TRAPPC9: variants seen among roughly 807,000 people sequenced by gnomAD.
The protein encoded by TRAPPC9 is trafficking protein particle complex subunit 9, also known as IKK2 binding protein.
A neutral mutation model predicts 124.0 loss-of-function variants in TRAPPC9; 83 were observed. The ratio of observed to expected loss-of-function variants is 0.67; its 90% CI spans 0.56 to 0.80. TRAPPC9 has a LOEUF of 0.80. TRAPPC9 is among the 30% of genes least tolerant of loss of function. TRAPPC9 has a pLI of 0.00. For synonymous variants in TRAPPC9, 638 were observed against 617.5 expected (o/e 1.03, Z -0.49); for missense variants, 1,302 against 1,508.3 (o/e 0.86, Z 2.27).
At chr8:140,040,707 C>G (rs1309146917) in intron 17 of TRAPPC9, 1 of 152,334 alleles carries the variant, frequency 6.6e-6, no homozygotes, top group African/African-American at 2.4e-5. Context: ...TTCTATGTCA[C>G]CATCCCAACA....
chr8:140,255,084 GC>G (rs2064218636), intron 15 of TRAPPC9, among the ~76,000 whole-genome samples: 1 of 152,230 alleles, frequency 6.6e-6, no homozygotes, highest in Admixed American at 6.5e-5. Flanking sequence ...TGCAGAACTG[GC>G]CAAGCTCCCT....
intron 5 of TRAPPC9, among the ~76,000 whole-genome samples, chr8:140,415,855 C>T (rs2069910789): frequency 6.6e-6 from 1 of 152,054 alleles, no homozygotes; most frequent in Admixed American, 6.6e-5. Context: ...GTCCTAGCTA[C>T]TCAGAGGCCG....
intron 17 of TRAPPC9, among the ~76,000 whole-genome samples, chr8:140,175,001 ATT>A (rs35949640): frequency 5.9e-4 from 83 of 140,956 alleles, no homozygotes; most frequent in African/African-American, 6.6e-4. Flanking sequence ...GCACCTGGGG[ATT>A]TTTTTTTTTT....
At chr8:140,091,476 G>T (rs1007148642) in intron 17 of TRAPPC9, among the ~76,000 whole-genome samples, 2 of 152,174 alleles carry the variant, frequency 1.3e-5, no homozygotes, top group African/African-American at 4.8e-5. Context: ...CAAGTTTCCA[G>T]CTGAGCTTGC....
rs1209168093 is a variant in TRAPPC9 at position 139,825,117 on chromosome 8, G to A, written c.3055+60762C>T. 6.6e-6 allele frequency among the ~76,000 whole-genome samples: 1 copy of A among 152,174 alleles called. No homozygotes were observed. Among genetic ancestry groups the A allele is most frequent in the Non-Finnish European group, 1.5e-5 (1 of 68,038 alleles). Reference sequence around the variant, plus strand: ...GTCACAGATGACCCGGGCCCTGGACGTGGGACGTGGGCTGCGGGACTACAG... The same window carrying A: ...GTCACAGATGACCCGGGCCCTGGACATGGGACGTGGGCTGCGGGACTACAG... On this transcript the variant is annotated intron_variant, in intron 21 of 22. Coordinates refer to ENST00000438773, the MANE Select transcript of TRAPPC9 (RefSeq NM_001160372.4). This position sits in a 1 kb window ranked among gnomAD's most constrained non-coding sequence, Gnocchi z 4.6.
intron 18 of TRAPPC9, among the ~76,000 whole-genome samples, chr8:140,000,825 G>A (rs976018362): frequency 3.9e-5 from 6 of 152,178 alleles, no homozygotes; most frequent in Non-Finnish European, 5.9e-5. Flanking sequence ...ACAGTGTGGC[G>A]ATCCCTCAAG....
chr8:140,049,825 T>C (rs948831626), intron 17 of TRAPPC9, among the ~76,000 whole-genome samples: 1 of 152,152 alleles, frequency 6.6e-6, no homozygotes, highest in Non-Finnish European at 1.5e-5. Flanking sequence ...GATCATTCTG[T>C]GAGGTGCGAG....
At chr8:140,338,772 G>C (rs1172417016) in intron 9 of TRAPPC9, among the ~76,000 whole-genome samples, 1 of 129,088 alleles carries the variant, frequency 7.7e-6, no homozygotes, top group African/African-American at 3.1e-5. Context: ...CAGGCCGACA[G>C]GAAACGGCTC....
chr8:139,929,683 G>A (rs1422217264), intron 19 of TRAPPC9, among the ~76,000 whole-genome samples: 4 of 152,264 alleles, frequency 2.6e-5, no homozygotes, highest in Non-Finnish European at 5.9e-5. Flanking sequence ...CCATGTTTCT[G>A]CATATGCCCT....
intron 21 of TRAPPC9, among the ~76,000 whole-genome samples, chr8:139,743,985 G>A (rs941602053): frequency 2.0e-5 from 3 of 152,154 alleles, no homozygotes; most frequent in Non-Finnish European, 1.5e-5. Context: ...TTCAGTGACC[G>A]TACACTCACA....
chr8:140,311,267 T>A lies in TRAPPC9; in HGVS notation c.1603A>T (p.Thr535Ser), dbSNP rs756125925. Residue 535 changes from threonine (T) to serine (S), a missense_variant, in exon 10 of 23, where the codon ACC becomes TCC. Transcript: ENST00000438773. Reference sequence around the variant, plus strand: ...TCTCACCTGACGATGGGAAGCTTGGTGAAGGGCACCGGTGGCAGGGTGAGG... The same window carrying A: ...TCTCACCTGACGATGGGAAGCTTGGAGAAGGGCACCGGTGGCAGGGTGAGG... Reference protein sequence around the residue: ...GGLTLPPVPFTKLPIVRHVKL... With the variant: ...GGLTLPPVPFSKLPIVRHVKL... The A allele has an allele frequency of 2.6e-5, 42 of 1,612,216 alleles. No individual in the cohort carries two copies. Among genetic ancestry groups the A allele is most frequent in the Non-Finnish European group, 3.3e-5 (39 of 1,179,980 alleles).
chr8:140,060,136 C>T (rs1161205343), intron 17 of TRAPPC9, among the ~76,000 whole-genome samples: 2 of 152,314 alleles, frequency 1.3e-5, no homozygotes, highest in Non-Finnish European at 2.9e-5. Flanking sequence ...TGGAGCAGCT[C>T]GTTCTTTCTG....
At position 139,970,270 on chromosome 8, in the gene TRAPPC9, G is replaced by A. The variant is rs552473018; in HGVS notation, c.2810+18456C>T. ...GCTGGCGCCCGCAGCATCTCTGGGC[G>A]TCACAGCCCTCTGCTGGGAACTGCA... On this transcript the variant is annotated intron_variant, in intron 19 of 22. Transcript: ENST00000438773. Among the ~76,000 whole-genome samples the A allele has an allele frequency of 5.8e-3, 889 of 152,344 alleles. 4 individuals carry two copies. The highest frequency in any genetic ancestry group is 0.011 in the South Asian group (53 of 4,828).
intron 17 of TRAPPC9, among the ~76,000 whole-genome samples, chr8:140,129,616 A>T (rs970743111): frequency 8.5e-5 from 13 of 152,194 alleles, no homozygotes; most frequent in African/African-American, 3.1e-4. Flanking sequence ...GGGTACACAC[A>T]GGAGGATTGA....
intron 5 of TRAPPC9, among the ~76,000 whole-genome samples, chr8:140,413,830 GGACAT>G (rs2069797585): frequency 1.3e-5 from 2 of 151,786 alleles, no homozygotes; most frequent in Non-Finnish European, 2.9e-5. Flanking sequence ...TCCCTACAAA[GGACAT>G]GAACTCATCA....
At position 140,032,046 on chromosome 8, in the gene TRAPPC9, C is replaced by T. The variant is rs565801637; in HGVS notation, c.2557-7967G>A. 1.1e-4 allele frequency among the ~76,000 whole-genome samples: 16 copies of T among 152,300 alleles called. No homozygotes were observed. In the Middle Eastern group the frequency reaches 0.014, roughly 130 times the overall value. ...CATAGACCACAGCAGTGCAGAGGGC[C>T]GCCACGTCCTACCTGCACTTACGCT... is the stretch of plus-strand genomic sequence containing the variant. On this transcript the variant is annotated intron_variant, in intron 17 of 22. Transcript: ENST00000438773.
chr8:140,393,730 T>C (rs1167619955), intron 7 of TRAPPC9, among the ~76,000 whole-genome samples: 1 of 152,212 alleles, frequency 6.6e-6, no homozygotes, highest in Non-Finnish European at 1.5e-5. Flanking sequence ...CAGGAATAGA[T>C]ACAACTCATC....
chr8:140,171,113 T>C (rs751178892), intron 17 of TRAPPC9, among the ~76,000 whole-genome samples: 16 of 152,212 alleles, frequency 1.1e-4, no homozygotes, highest in Non-Finnish European at 1.8e-4. Flanking sequence ...CCATCTGCAC[T>C]TTCCCATTAA....
Position 140,079,480 on chromosome 8 carries a change from C to T in TRAPPC9, c.2557-55401G>A, listed in dbSNP as rs78543750. On this transcript the variant is annotated intron_variant, in intron 17 of 22. Transcript: ENST00000438773. ...CCAGGACCAGAGAGGCCACAAGCAG[C>T]GGCTCCAGCAGAAAAGAGGCACCTG... Among the ~76,000 whole-genome samples, 352 of 152,212 alleles carry T rather than the reference C, an allele frequency of 2.3e-3. 2 individuals are homozygous for T. In the East Asian group the frequency reaches 0.028, roughly 12 times the overall value.
Sources: gnomAD v4.1 joint callset for allele counts (sites outside exome capture counted in the v4.1 genomes callset) on GRCh38, gnomAD v4.1.1 for gene constraint, Gnocchi (gnomAD v3.1) non-coding constraint, MANE v1.5 for transcripts, NCBI Gene and HGNC (gene_info 2026-07-23, HGNC 2026-07-21) for gene names.